Variants in CNTNAP2 observed in about 807,000 individuals in gnomAD.
CNTNAP2 encodes the protein contactin-associated protein-like 2.
CNTNAP2 carries 98 observed loss-of-function variants against 155.2 expected under a neutral mutation model. The ratio of observed to expected loss-of-function variants is 0.63; its 90% CI spans 0.54 to 0.75. The LOEUF (loss-of-function observed/expected upper bound fraction) is 0.75. Ranked by LOEUF, CNTNAP2 falls within the 30% of genes least tolerant of loss-of-function variation. The probability of loss-of-function intolerance (pLI) is 0.00; values close to 1 mark genes in which losing one functional copy is unlikely to be tolerated. For synonymous variants in CNTNAP2, 651 were observed against 631.2 expected (o/e 1.03, Z -0.47); for missense variants, 1,727 against 1,688.1 (o/e 1.02, Z -0.40).
At chr7:147,254,970 T>C (rs1804288919) in intron 8 of CNTNAP2, among the ~76,000 whole-genome samples, 1 of 152,218 alleles carries the variant, frequency 6.6e-6, no homozygotes, top group South Asian at 2.1e-4. Flanking sequence ...ATTGCCTTTA[T>C]TTCTAAGTTA....
At chr7:146,780,596 A>T (rs1429055237) in intron 2 of CNTNAP2, among the ~76,000 whole-genome samples, 1 of 151,954 alleles carries the variant, frequency 6.6e-6, no homozygotes, top group African/African-American at 2.4e-5. Flanking sequence ...CTTTTTTTTA[A>T]CATGTTTGTT....
At chr7:147,152,773 C>G (rs535909794) in intron 8 of CNTNAP2, among the ~76,000 whole-genome samples, 1 of 152,052 alleles carries the variant, frequency 6.6e-6, no homozygotes, top group Non-Finnish European at 1.5e-5. Flanking sequence ...TGCTTAAAGT[C>G]ATAAAAAATT....
chr7:147,086,639 A>C (rs905849123), intron 4 of CNTNAP2, among the ~76,000 whole-genome samples: 1 of 151,944 alleles, frequency 6.6e-6, no homozygotes, highest in Admixed American at 6.6e-5. Context: ...GGGTCTCTCT[A>C]TGTTGCCCAG....
chr7:147,469,901 T>G (rs1342309994), intron 10 of CNTNAP2, among the ~76,000 whole-genome samples: 2 of 152,076 alleles, frequency 1.3e-5, no homozygotes, highest in Admixed American at 6.6e-5. Flanking sequence ...ATGAAAAAAT[T>G]ATCCATGAAG....
intron 17 of CNTNAP2, among the ~76,000 whole-genome samples, chr7:148,163,394 C>T (rs1310834979): frequency 3.3e-5 from 5 of 152,026 alleles, no homozygotes; most frequent in African/African-American, 4.8e-5. Context: ...AATAGTTTAC[C>T]ATGCTTATCC....
At chr7:148,094,090 AGT>A (rs1803910319) in intron 15 of CNTNAP2, among the ~76,000 whole-genome samples, 1 of 152,210 alleles carries the variant, frequency 6.6e-6, no homozygotes, top group Non-Finnish European at 1.5e-5. Context: ...AAAACTAGGC[AGT>A]GGAGAAAGGG....
chr7:146,526,622 A>C (rs918999708), intron 1 of CNTNAP2, among the ~76,000 whole-genome samples: 1 of 152,114 alleles, frequency 6.6e-6, no homozygotes, highest in African/African-American at 2.4e-5. Flanking sequence ...CACCTCCAAC[A>C]CTGAGGATTA....
At chr7:147,197,326 C>T (rs940788570) in intron 8 of CNTNAP2, among the ~76,000 whole-genome samples, 8 of 151,968 alleles carry the variant, frequency 5.3e-5, no homozygotes, top group Non-Finnish European at 1.2e-4. Flanking sequence ...TCCCTATGCT[C>T]GGGCCTGCCC....
chr7:147,625,609 G>A (rs1409843389), intron 12 of CNTNAP2, among the ~76,000 whole-genome samples: 1 of 152,124 alleles, frequency 6.6e-6, no homozygotes, highest in African/African-American at 2.4e-5. Flanking sequence ...AAAATGTCAT[G>A]GCACTGGACT....
intron 22 of CNTNAP2, among the ~76,000 whole-genome samples, chr7:148,404,115 A>G (rs1014107630): frequency 6.6e-6 from 1 of 152,256 alleles, no homozygotes; most frequent in African/African-American, 2.4e-5. Context: ...TTTTGTTATC[A>G]GAAGAAGCTA....
chr7:147,917,919 C>A (rs533860255), intron 14 of CNTNAP2, among the ~76,000 whole-genome samples: 1 of 152,286 alleles, frequency 6.6e-6, no homozygotes, highest in East Asian at 1.9e-4. Context: ...TGTATTTTCT[C>A]ATCGCTGGTC....
In CNTNAP2 at chr7:146,177,507, GA is replaced by G. The variant is rs561480067; in HGVS notation, c.97+60541del. On this transcript the variant is annotated intron_variant, in intron 1 of 23. Transcript: ENST00000361727. ...GTTCAACTCATTTGCTCTTACAACT[GA>G]AAAAAACAGCAGTAAAAGCCAAATT... 2.0e-5 allele frequency among the ~76,000 whole-genome samples: 3 copies of G among 151,996 alleles called. No individual in the cohort carries two copies. The South Asian group carries it at 6.2e-4, about 31-fold the overall frequency.
At chr7:148,389,731 G>A (rs79630501) in intron 22 of CNTNAP2, 6,611 of 151,850 alleles carry the variant, frequency 0.044, 205 homozygotes, top group South Asian at 0.11. Context: ...ACGAGGAGGC[G>A]GCTCAGCATT....
At position 147,246,625 on chromosome 7, in the gene CNTNAP2, C is replaced by T. The variant is rs1804077343; in HGVS notation, c.1349-53516C>T. 2.0e-5 allele frequency among the ~76,000 whole-genome samples: 3 copies of T among 152,088 alleles called. No homozygotes were observed. The South Asian group carries it at 6.2e-4, about 32-fold the overall frequency. On this transcript the variant is annotated intron_variant, in intron 8 of 23. Transcript: ENST00000361727. ...ATCTAATCGCCTCCCAAGAGTCCTGCCTCCTAATATCACATTAGTGACTAG... is the reference window on the plus strand; with the variant it reads ...ATCTAATCGCCTCCCAAGAGTCCTGTCTCCTAATATCACATTAGTGACTAG...
At chr7:146,271,654 G>C (rs1218664195) in intron 1 of CNTNAP2, among the ~76,000 whole-genome samples, 3 of 151,598 alleles carry the variant, frequency 2.0e-5, no homozygotes, top group African/African-American at 7.2e-5. Context: ...AAGGAGAAAT[G>C]TTAAATGAAA....
At chr7:146,661,732 C>CAT (rs1800092597) in intron 1 of CNTNAP2, among the ~76,000 whole-genome samples, 1 of 145,042 alleles carries the variant, frequency 6.9e-6, no homozygotes. Flanking sequence ...TTCTTTCTTT[C>CAT]TTTTTTTTTT....
At chr7:146,558,945 C>A (rs1464204803) in intron 1 of CNTNAP2, among the ~76,000 whole-genome samples, 1 of 152,154 alleles carries the variant, frequency 6.6e-6, no homozygotes, top group South Asian at 2.1e-4. Context: ...CATCTCAAAT[C>A]CTGACAATTT....
chr7:146,973,220 G>A (rs951289458), intron 3 of CNTNAP2, among the ~76,000 whole-genome samples: 2 of 152,082 alleles, frequency 1.3e-5, no homozygotes, highest in Non-Finnish European at 2.9e-5. Context: ...TAGAGACAGG[G>A]TTTCACCATG....
At chr7:147,488,912 C>T (rs570887934) in intron 11 of CNTNAP2, among the ~76,000 whole-genome samples, 9 of 152,290 alleles carry the variant, frequency 5.9e-5, no homozygotes, top group Non-Finnish European at 7.3e-5. Context: ...AAATGATGTA[C>T]GGAAGATGCT....
Sources: allele counts gnomAD v4.1 joint callset (sites outside exome capture counted in the v4.1 genomes callset), GRCh38; gene constraint gnomAD v4.1.1; transcripts MANE v1.5; gene names NCBI Gene and HGNC (gene_info 2026-07-23, HGNC 2026-07-21).